The following SIDT1 variants were observed in gnomAD, a reference collection of about 807,000 sequenced individuals.
SIDT1 encodes the protein SID1 transmembrane family member 1, also known as SID1 transmembrane family, member 1.
A neutral mutation model predicts 107.5 loss-of-function variants in SIDT1; 101 were observed. That is an observed-to-expected ratio of 0.94 (90% confidence interval 0.80 to 1.11). The LOEUF (loss-of-function observed/expected upper bound fraction) is 1.11, where lower values mean the gene tolerates loss of function less well. SIDT1 is among the 50% of genes least tolerant of loss of function. SIDT1 has a pLI of 0.00. For missense variants in SIDT1, 1,076 were observed against 1,058.2 expected (o/e 1.02, Z -0.23); for synonymous variants, 395 against 398.2 (o/e 0.99, Z 0.10).
rs142036461 is a variant in SIDT1 at position 113,562,569 on chromosome 3, A to G, written c.223-3851A>G. On this transcript the variant is annotated intron_variant, in intron 1 of 24. Coordinates refer to ENST00000264852, the MANE Select transcript of SIDT1 (RefSeq NM_017699.3). ...GAATGAAGTACTGATACATGCTACA[A>G]CATGAATGAACCTTCAAAACATTAT... 1.0e-3 allele frequency among the ~76,000 whole-genome samples: 156 copies of G among 152,386 alleles called. 3 individuals carry two copies. The East Asian group carries it at 0.02, about 20-fold the overall frequency.
chr3:113,627,697 C>T lies in SIDT1; in HGVS notation c.2473C>T (p.Pro825Ser). Residue 825 changes from proline to serine, a missense_variant, in exon 25 of 25, where the codon CCT becomes TCT. By Grantham distance (74) the Pro-to-Ser change is moderately conservative. Transcript: ENST00000264852. The stretch of plus-strand genomic sequence containing the variant: ...TGATGTGGTTCGGAGAGACCAGATC[C>T]CTGTCTTCTGAACCTCCAACATTAA... The part of the protein sequence containing the change: ...DLDVVRRDQI[P>S]VF The T allele has an allele frequency of 6.2e-7, 1 of 1,613,590 alleles. No homozygotes were observed. Among genetic ancestry groups the T allele is most frequent in the Middle Eastern group, 1.8e-4 (1 of 5,674 alleles).
chr3:113,601,883 G>A, intron 11 of SIDT1: 1 of 461,752 alleles, frequency 2.2e-6, no homozygotes, highest in Non-Finnish European at 3.8e-6. Context: ...AGCCCCACTT[G>A]GGCAGAATTC....
Position 113,583,439 on chromosome 3 carries a change from G to T in SIDT1, c.778G>T (p.Val260Leu). The T allele has an allele frequency of 6.3e-7, 1 of 1,598,752 alleles. No homozygotes were observed. The highest frequency in any genetic ancestry group is 8.6e-7 in the Non-Finnish European group (1 of 1,169,372). ...KKDFPGEQFF[V>L]VFVIKPEDYA... Reference sequence around the variant, plus strand: ...GGATTTTCCAGGCGAGCAGTTCTTCGTGGTATTTGTGATAAAGCCTGAAGA... The same window carrying T: ...GGATTTTCCAGGCGAGCAGTTCTTCTTGGTATTTGTGATAAAGCCTGAAGA... Residue 260 changes from valine to leucine, a missense_variant, in exon 7 of 25, where the codon GTG becomes TTG. Physicochemically the swap from Val to Leu is conservative, Grantham distance 32. Coordinates refer to ENST00000264852, the MANE Select transcript of SIDT1 (RefSeq NM_017699.3).
In SIDT1 at chr3:113,533,887, G is replaced by A. The variant is rs551635850; in HGVS notation, c.222+644G>A. Among the ~76,000 whole-genome samples the A allele has an allele frequency of 4.6e-5, 7 of 152,204 alleles. No homozygotes were observed. In the South Asian group the frequency reaches 1.0e-3, roughly 22 times the overall value. ...CAGGTTTTGATTTTAAATAAGGATGGATAATTGTGTGAAAGTTCTAGACCT... is the reference window on the plus strand; with the variant it reads ...CAGGTTTTGATTTTAAATAAGGATGAATAATTGTGTGAAAGTTCTAGACCT... On this transcript the variant is annotated intron_variant, in intron 1 of 24. Coordinates refer to ENST00000264852, the MANE Select transcript of SIDT1 (RefSeq NM_017699.3).
intron 1 of SIDT1, among the ~76,000 whole-genome samples, chr3:113,562,933 A>C (rs1452623637): frequency 6.6e-6 from 1 of 152,220 alleles, no homozygotes. Context: ...TTAGGTTGCT[A>C]TATGTGGTAG....
intron 11 of SIDT1, chr3:113,602,504 ATTC>A: frequency 6.6e-6 from 1 of 152,414 alleles, no homozygotes; most frequent in Non-Finnish European, 1.5e-5. Context: ...GAACAGAAGG[ATTC>A]TTCTTCCTGA....
intron 20 of SIDT1, among the ~76,000 whole-genome samples, chr3:113,618,380 A>G (rs1036746566): frequency 1.6e-4 from 25 of 152,232 alleles, no homozygotes; most frequent in African/African-American, 5.3e-4. Flanking sequence ...ATAAGCTGCT[A>G]TAACACTCAT....
In SIDT1 at chr3:113,565,159, T is replaced by TTTG. The variant is rs199884173; in HGVS notation, c.223-1242_223-1240dup. 2.1e-3 allele frequency among the ~76,000 whole-genome samples: 318 copies of TTTG among 152,128 alleles called. 6 individuals are homozygous for TTTG. The East Asian group carries it at 0.052, about 25-fold the overall frequency. On this transcript the variant is annotated intron_variant, in intron 1 of 24. Coordinates refer to ENST00000264852, the MANE Select transcript of SIDT1 (RefSeq NM_017699.3). Reference sequence around the variant, plus strand: ...CAAAATCTCATGTGGAAGATTAAATTTTGTTGTTGTTGTTGTTGTTGCTTT... The same window carrying TTTG: ...CAAAATCTCATGTGGAAGATTAAATTTTGTTGTTGTTGTTGTTGTTGTTGCTTT...
At chr3:113,619,597 A>G (rs1027329580) in intron 20 of SIDT1, 83 bp from the exon 21 acceptor site, 5 of 1,186,576 alleles carry the variant, frequency 4.2e-6, no homozygotes, top group Admixed American at 3.8e-5. Context: ...TTGTTTTCCC[A>G]TAGTTGATAC....
At chr3:113,623,554 G>A (rs1476486942) in intron 22 of SIDT1, 22 bp downstream of exon 22, 11 of 1,603,482 alleles carry the variant, frequency 6.9e-6, no homozygotes, top group Non-Finnish European at 8.5e-6. Context: ...TGCCGGGAGC[G>A]GCTACCTCGG....
At chr3:113,582,320 T>C (rs1017403019) in intron 6 of SIDT1, among the ~76,000 whole-genome samples, 1 of 152,198 alleles carries the variant, frequency 6.6e-6, no homozygotes, top group Non-Finnish European at 1.5e-5. Flanking sequence ...ATCTGTTCCC[T>C]AGGGTAAGGT....
chr3:113,603,255 A>G (rs372435981), intron 12 of SIDT1, 105 bp downstream of exon 12: 2 of 1,220,814 alleles, frequency 1.6e-6, no homozygotes. Flanking sequence ...CTTCAGGGAA[A>G]CCCAAATTTC....
chr3:113,588,949 G>T (rs1178783236), intron 9 of SIDT1: 1 of 152,226 alleles, frequency 6.6e-6, no homozygotes, highest in East Asian at 1.9e-4. Context: ...AGAGAGTGTG[G>T]TCCACTGACA....
rs1404275022 is a variant in SIDT1 at position 113,628,713 on chromosome 3, C to G, written c.*1005C>G. 1 of 152,282 alleles carries G rather than the reference C, an allele frequency of 6.6e-6. No homozygotes were observed. Among genetic ancestry groups the G allele is most frequent in the East Asian group, 1.9e-4 (1 of 5,190 alleles). The allele number at this position is 152,282 out of a possible 1,614,324, so 9.4% of individuals were successfully genotyped here. ...TTGGGGAAGAAATCAGCATTCTAAT[C>G]AGGGACACTACTTCAGGAGTCCTCC... is the stretch of plus-strand genomic sequence containing the variant. On this transcript the variant is annotated 3_prime_UTR_variant, in exon 25 of 25. Coordinates refer to ENST00000264852, the MANE Select transcript of SIDT1 (RefSeq NM_017699.3).
rs747457176 is a variant in SIDT1, at chr3:113,566,441, G to A, written c.244G>A (p.Val82Met). Residue 82 changes from valine to methionine, a missense_variant, in exon 2 of 25, where the codon GTG becomes ATG. Coordinates refer to ENST00000264852, the MANE Select transcript of SIDT1 (RefSeq NM_017699.3). ...GCAGGTGACAGCCGTGAGGGTGTAT[G>A]TGAACAGTTCCTCTGAGAATCTCAA... is the stretch of plus-strand genomic sequence containing the variant. ...PDQVTAVRVY[V>M]NSSSENLNYP... 1.9e-6 allele frequency: 3 copies of A among 1,614,134 alleles called. No individual in the cohort carries two copies. In the East Asian group the frequency reaches 6.7e-5, roughly 36 times the overall value.
At position 113,585,404 on chromosome 3, in the gene SIDT1, G is replaced by C. The variant is rs61129235; in HGVS notation, c.1001+134G>C. On this transcript the variant is annotated intron_variant, in intron 9 of 24. Transcript: ENST00000264852. Reference sequence around the variant, plus strand: ...CTAGCAATGTGACCTTGGATACCTTGTGACCTTGGAGATGTTGCTCAACTC... The same window carrying C: ...CTAGCAATGTGACCTTGGATACCTTCTGACCTTGGAGATGTTGCTCAACTC... 2.8e-3 allele frequency: 1,921 copies of C among 691,468 alleles called. 27 individuals are homozygous for C. The African/African-American group carries it at 0.029, about 10-fold the overall frequency. The allele number at this position is 691,468 out of a possible 1,614,324, so 42.8% of individuals were successfully genotyped here. A position where few individuals can be genotyped will look rare whatever the true frequency, so the allele number is the denominator to read the frequency against.
At chr3:113,542,902 TTGTGTGTG>T (rs71625216) in intron 1 of SIDT1, among the ~76,000 whole-genome samples, 1,845 of 145,222 alleles carry the variant, frequency 0.013, 32 homozygotes, top group African/African-American at 0.04. Context: ...TTTTGCTTGG[TTGTGTGTG>T]TGTGTGTGTG....
chr3:113,566,201 G>A (rs1035426136), intron 1 of SIDT1, among the ~76,000 whole-genome samples: 3 of 152,174 alleles, frequency 2.0e-5, no homozygotes. Flanking sequence ...AATCAAGGTT[G>A]AGACCCACTC....
intron 19 of SIDT1, 84 bp from the exon 20 acceptor site, chr3:113,616,016 C>T: frequency 1.1e-6 from 1 of 880,476 alleles, no homozygotes; most frequent in South Asian, 1.3e-5. Context: ...TGACATCATT[C>T]TGGCTCCAAA....
Sources: allele counts gnomAD v4.1 joint callset (sites outside exome capture counted in the v4.1 genomes callset), GRCh38; gene constraint gnomAD v4.1.1; transcripts MANE v1.5; gene names NCBI Gene and HGNC (gene_info 2026-07-23, HGNC 2026-07-21).